Variants in PTPN9 observed in about 807,000 individuals in gnomAD.
The protein encoded by PTPN9 is tyrosine-protein phosphatase non-receptor type 9.
A neutral mutation model predicts 69.8 loss-of-function variants in PTPN9; 26 were observed. The observed-to-expected ratio is 0.37, with a 90% confidence interval of 0.27 to 0.52. PTPN9 has a LOEUF of 0.52. Ranked by LOEUF, PTPN9 falls within the 20% of genes least tolerant of loss-of-function variation. PTPN9 has a pLI of 0.91. For missense variants in PTPN9, 549 were observed against 740.3 expected (o/e 0.74, Z 3.00); for synonymous variants, 274 against 272.5 (o/e 1.01, Z -0.05).
intron 6 of PTPN9, among the ~76,000 whole-genome samples, chr15:75,508,417 T>C (rs1457776190): frequency 6.6e-6 from 1 of 151,930 alleles, no homozygotes; most frequent in Non-Finnish European, 1.5e-5. Context: ...CAAGGTATTC[T>C]GAGAAAAAAA....
rs140490690 is a variant in PTPN9, at chr15:75,523,218, T to C, written c.325A>G (p.Ile109Val). 1.7e-5 allele frequency: 27 copies of C among 1,613,930 alleles called. No individual in the cohort carries two copies. In the African/African-American group the frequency reaches 2.4e-4, roughly 14 times the overall value. ...TGCAACCTGGCAGTAAAGAGGGCAATGGAGGCTCCTGTTGGGTCCCGAACA... is the reference window on the plus strand; with the variant it reads ...TGCAACCTGGCAGTAAAGAGGGCAACGGAGGCTCCTGTTGGGTCCCGAACA... ...LNVRDPTGASIALFTARLHHP... is the reference protein window; with the variant it reads ...LNVRDPTGASVALFTARLHHP... Residue 109 changes from isoleucine to valine, a missense_variant, in exon 4 of 13, where the codon ATT becomes GTT. Transcript: ENST00000618819.
intron 1 of PTPN9, among the ~76,000 whole-genome samples, chr15:75,554,398 T>C (rs527736472): frequency 2.0e-5 from 3 of 152,050 alleles, no homozygotes; most frequent in South Asian, 2.1e-4. Context: ...TTCTCCATGT[T>C]GGTCAGGCTG....
intron 1 of PTPN9, among the ~76,000 whole-genome samples, chr15:75,539,623 T>C (rs2074999897): frequency 1.3e-5 from 2 of 152,114 alleles, no homozygotes; most frequent in Admixed American, 1.3e-4. Flanking sequence ...GAAGATTTAA[T>C]TGGAGGACCA....
intron 1 of PTPN9, among the ~76,000 whole-genome samples, chr15:75,552,606 T>C (rs2075060995): frequency 6.6e-6 from 1 of 151,884 alleles, no homozygotes; most frequent in Non-Finnish European, 1.5e-5. Context: ...GCTCTGAGCA[T>C]GTTTGCGGCT....
At chr15:75,482,758 A>G (rs1292266694) in intron 8 of PTPN9, among the ~76,000 whole-genome samples, 1 of 150,280 alleles carries the variant, frequency 6.7e-6, no homozygotes, top group Non-Finnish European at 1.5e-5. Context: ...TGTGAGAAAC[A>G]CCCAAGAATT....
At chr15:75,515,546 C>G (rs1023589354) in intron 5 of PTPN9, among the ~76,000 whole-genome samples, 1 of 151,862 alleles carries the variant, frequency 6.6e-6, no homozygotes, top group Non-Finnish European at 1.5e-5. Flanking sequence ...GGAGGCGGTA[C>G]TGCTTGAGCC....
At chr15:75,484,994 C>T (rs563209526) in intron 8 of PTPN9, among the ~76,000 whole-genome samples, 1 of 152,158 alleles carries the variant, frequency 6.6e-6, no homozygotes, top group African/African-American at 2.4e-5. Context: ...GTTTCTTTGA[C>T]TAAATAAATA....
intron 1 of PTPN9, among the ~76,000 whole-genome samples, chr15:75,543,386 G>C (rs1253519975): frequency 1.3e-5 from 2 of 152,072 alleles, no homozygotes; most frequent in Admixed American, 1.3e-4. Flanking sequence ...GAAATCAAAG[G>C]CTCACAGAGC....
intron 8 of PTPN9, among the ~76,000 whole-genome samples, chr15:75,482,449 C>T (rs935256500): frequency 2.1e-4 from 32 of 151,912 alleles, no homozygotes; most frequent in African/African-American, 7.0e-4. Flanking sequence ...CCTGTAGTCC[C>T]AGCTACTCGG....
intron 1 of PTPN9, among the ~76,000 whole-genome samples, chr15:75,534,813 G>C (rs1459372165): frequency 6.6e-6 from 1 of 151,598 alleles, no homozygotes; most frequent in South Asian, 2.1e-4. Flanking sequence ...TCTCTACTAA[G>C]AAAACAAAAA....
intron 9 of PTPN9, 120 bp downstream of exon 9, chr15:75,479,728 G>A: frequency 1.3e-6 from 1 of 783,810 alleles, no homozygotes; most frequent in Non-Finnish European, 2.0e-6. Context: ...AAAAGGCCAG[G>A]ATCTAGTGGC....
intron 1 of PTPN9, among the ~76,000 whole-genome samples, chr15:75,530,533 A>T (rs1237326317): frequency 4.0e-5 from 2 of 49,608 alleles, no homozygotes; most frequent in Non-Finnish European, 6.3e-5. Flanking sequence ...TTTATTATAT[A>T]ATATTATTAT....
intron 1 of PTPN9, among the ~76,000 whole-genome samples, chr15:75,573,475 T>C (rs2141346787): frequency 6.6e-6 from 1 of 152,304 alleles, no homozygotes; most frequent in Non-Finnish European, 1.5e-5. Context: ...GTTCAACACA[T>C]GCCTAGACAG....
intron 7 of PTPN9, among the ~76,000 whole-genome samples, chr15:75,503,555 G>A (rs2074788313): frequency 8.0e-6 from 1 of 124,694 alleles, no homozygotes; most frequent in Non-Finnish European, 1.8e-5. Context: ...GGGGGGGTCA[G>A]CCCCCCGCCC....
At chr15:75,491,050 A>T (rs1013041062) in intron 7 of PTPN9, among the ~76,000 whole-genome samples, 1 of 152,166 alleles carries the variant, frequency 6.6e-6, no homozygotes, top group Non-Finnish European at 1.5e-5. Context: ...TCAAGGCTGC[A>T]GTGCGCTATG....
Position 75,481,308 on chromosome 15 carries a change from C to T in PTPN9, c.1063-1394G>A, listed in dbSNP as rs1325329502. Among the ~76,000 whole-genome samples the T allele has an allele frequency of 8.0e-4, 57 of 71,122 alleles. 2 individuals carry two copies. Among genetic ancestry groups the T allele is most frequent in the African/African-American group, 2.7e-3 (50 of 18,862 alleles). The allele number at this position is 71,122 out of a possible 152,430, so 46.7% of individuals were successfully genotyped here. ...CCATCTGGGAAGTGAGGAGCGTCTC[C>T]GCCGGGCAGCCACCCCGTCCGGGAG... On this transcript the variant is annotated intron_variant, in intron 8 of 12. Coordinates refer to ENST00000618819, the MANE Select transcript of PTPN9 (RefSeq NM_002833.4).
At chr15:75,473,810 A>G (rs1304993350) in intron 9 of PTPN9, 43 bp from the exon 10 acceptor site, 3 of 1,475,756 alleles carry the variant, frequency 2.0e-6, no homozygotes, top group Non-Finnish European at 2.8e-6. Context: ...TCTGGGAAAC[A>G]CTTTTTTTCT....
At chr15:75,491,484 G>T (rs2074710819) in intron 7 of PTPN9, among the ~76,000 whole-genome samples, 1 of 152,100 alleles carries the variant, frequency 6.6e-6, no homozygotes, top group Non-Finnish European at 1.5e-5. Flanking sequence ...GCAGAAATTG[G>T]TACTAAGAAG....
chr15:75,511,215 T>C (rs1379780141), intron 5 of PTPN9, among the ~76,000 whole-genome samples: 2 of 152,188 alleles, frequency 1.3e-5, no homozygotes, highest in Non-Finnish European at 2.9e-5. Context: ...TTGTCCACAT[T>C]TGAGGAGCTA....
Sources: gnomAD v4.1 joint callset for allele counts (sites outside exome capture counted in the v4.1 genomes callset) on GRCh38, gnomAD v4.1.1 for gene constraint, MANE v1.5 for transcripts, NCBI Gene and HGNC (gene_info 2026-07-23, HGNC 2026-07-21) for gene names.